The following DMD variants were observed in gnomAD, a reference collection of about 807,000 sequenced individuals.
The protein encoded by DMD is dystrophin.
Under a neutral mutation model 330.1 loss-of-function variants are expected in DMD, and 63 were observed. That is an observed-to-expected ratio of 0.19 (90% CI 0.16 to 0.24). The LOEUF is 0.24. DMD is among the 10% of genes least tolerant of loss of function. The probability of loss-of-function intolerance (pLI) is 1.00; values close to 1 mark genes in which losing one functional copy is unlikely to be tolerated. For missense variants in DMD, 3,344 were observed against 2,684.1 expected (o/e 1.25, Z -5.43); for synonymous variants, 1,223 against 959.8 (o/e 1.27, Z -5.07).
chrX:32,792,153 A>C (rs1036609771), intron 7 of DMD, among the ~76,000 whole-genome samples: 6 of 111,774 alleles, frequency 5.4e-5, no homozygotes, highest in Non-Finnish European at 1.1e-4. Flanking sequence ...GCCTTCATAA[A>C]TCAAGGAGAA....
chrX:31,669,100 T>G (rs1276684302), intron 53 of DMD, among the ~76,000 whole-genome samples: 1 of 111,977 alleles, frequency 8.9e-6, no homozygotes, highest in African/African-American at 3.2e-5. Context: ...GACATACTGG[T>G]TTAAATTCTT....
chrX:32,332,447 G>GTGTGGTA (rs1569558177), intron 41 of DMD, among the ~76,000 whole-genome samples: 1 of 57,767 alleles, frequency 1.7e-5, no homozygotes, highest in Admixed American at 1.8e-4. Flanking sequence ...TGTGTGTGGT[G>GTGTGGTA]TATGTGCACA....
chrX:32,343,160 C>G lies in DMD; in HGVS notation c.5713G>C (p.Glu1905Gln). ...DIEKKLASLP[E>Q]PRDERKIKEI... ...TTTATTTTCCTTTCATCTCTGGGCT[C>G]AGGTAGGCTGGCTAATTTTTTTTCA... The change falls in exon 40 of 79, where the codon GAG becomes CAG. Residue 1905 changes from glutamate (E) to glutamine (Q), a missense_variant. Coordinates refer to ENST00000357033, the MANE Select transcript of DMD (RefSeq NM_004006.3). 2.5e-6 allele frequency: 3 copies of G among 1,210,823 alleles called. No individual in the cohort carries two copies. Among genetic ancestry groups the G allele is most frequent in the Non-Finnish European group, 3.4e-6 (3 of 894,985 alleles).
At chrX:31,278,392 G>C (rs1053684600) in intron 62 of DMD, among the ~76,000 whole-genome samples, 4 of 111,275 alleles carry the variant, frequency 3.6e-5, no homozygotes, top group Admixed American at 1.9e-4. Context: ...AGATTCAGGA[G>C]GGGGAGCAAG....
intron 1 of DMD, among the ~76,000 whole-genome samples, chrX:33,240,027 C>G (rs1405939870): frequency 9.0e-6 from 1 of 110,951 alleles, no homozygotes; most frequent in Non-Finnish European, 1.9e-5. Context: ...CCCAAGATAC[C>G]TTATTATGTA....
At position 32,704,241 on chromosome X, in the gene DMD, C is replaced by T. The variant is rs182154944; in HGVS notation, c.650-4948G>A. On this transcript the variant is annotated intron_variant, in intron 7 of 78. Coordinates refer to ENST00000357033, the MANE Select transcript of DMD (RefSeq NM_004006.3). ...TCATTGCACTACACTGCCATGGTAC[C>T]TTAACCTCATTCTCTCAGATACTAT... Among the ~76,000 whole-genome samples, 297 of 93,495 alleles carry T rather than the reference C, an allele frequency of 3.2e-3. 3 individuals carry two copies. Among genetic ancestry groups the T allele is most frequent in the Admixed American group, 0.028 (263 of 9,298 alleles). 81.2% of individuals were successfully genotyped at this position (93,495 alleles called of 115,157 possible).
chrX:32,153,404 G>A, intron 44 of DMD, among the ~76,000 whole-genome samples: 1 of 110,358 alleles, frequency 9.1e-6, no homozygotes, highest in Non-Finnish European at 1.9e-5. Flanking sequence ...TTGAAGTAGT[G>A]GAGAGACTGA....
chrX:32,191,753 T>G (rs1015111550), intron 44 of DMD, among the ~76,000 whole-genome samples: 1 of 112,095 alleles, frequency 8.9e-6, no homozygotes, highest in Non-Finnish European at 1.9e-5. Flanking sequence ...AGATTACTTA[T>G]AATACTTAAT....
chrX:31,938,571 A>G (rs1210594708), intron 45 of DMD, among the ~76,000 whole-genome samples: 1 of 111,500 alleles, frequency 9.0e-6, no homozygotes, highest in Non-Finnish European at 1.9e-5. Context: ...TTGCATCCTC[A>G]TGGATGCACT....
intron 44 of DMD, among the ~76,000 whole-genome samples, chrX:32,214,019 A>G (rs187975252): frequency 9.0e-6 from 1 of 111,397 alleles, no homozygotes; most frequent in African/African-American, 3.3e-5. Context: ...TAAAATGTTC[A>G]TCAGTTTCAA....
intron 64 of DMD, among the ~76,000 whole-genome samples, chrX:31,210,995 C>T (rs1394021038): frequency 2.7e-5 from 3 of 111,980 alleles, no homozygotes; most frequent in Non-Finnish European, 5.6e-5. Flanking sequence ...GGAGTCTGCA[C>T]TCCTCCCTTG....
chrX:32,463,390 C>T (rs770716751), intron 25 of DMD, 49 bp downstream of exon 25: 26 of 1,113,156 alleles, frequency 2.3e-5, no homozygotes, highest in Non-Finnish European at 2.6e-5. Context: ...ATTAGGAAAT[C>T]TTAGTTAAGT....
intron 2 of DMD, among the ~76,000 whole-genome samples, chrX:32,886,327 AAAT>A (rs904234254): frequency 2.7e-5 from 3 of 109,907 alleles, no homozygotes; most frequent in African/African-American, 6.6e-5. Flanking sequence ...AACTGGTAAA[AAAT>A]AATAATAATA....
intron 59 of DMD, among the ~76,000 whole-genome samples, chrX:31,453,778 A>AAAAAAAAAAAAAAAAC (rs2065945321): frequency 9.6e-6 from 1 of 103,964 alleles, no homozygotes; most frequent in Non-Finnish European, 2.0e-5. Context: ...AAAAAAAAAA[A>AAAAAAAAAAAAAAAAC]AAAAAAAAAA....
At chrX:32,776,240 T>C (rs113552907) in intron 7 of DMD, among the ~76,000 whole-genome samples, 2,151 of 109,189 alleles carry the variant, frequency 0.02, 68 homozygotes, top group African/African-American at 0.068. Context: ...AACAAGTCTC[T>C]GGGAAATTCC....
chrX:31,800,589 CG>C (rs771516373), intron 50 of DMD, among the ~76,000 whole-genome samples: 1 of 112,423 alleles, frequency 8.9e-6, no homozygotes, highest in Non-Finnish European at 1.9e-5. Context: ...ATTGTCTTGG[CG>C]CTTAACATTT....
intron 1 of DMD, among the ~76,000 whole-genome samples, chrX:33,244,620 T>C (rs1005734223): frequency 8.9e-6 from 1 of 111,934 alleles, no homozygotes; most frequent in Non-Finnish European, 1.9e-5. Flanking sequence ...AATAAATTGT[T>C]TGATTTGATT....
At chrX:31,553,752 C>T (rs1196797378) in intron 55 of DMD, among the ~76,000 whole-genome samples, 1 of 112,183 alleles carries the variant, frequency 8.9e-6, no homozygotes, top group Non-Finnish European at 1.9e-5. Context: ...AGAAATCATA[C>T]AGGATTGTGT....
At chrX:32,949,342 GTAGATAGATAGATAGATAGA>G (rs1193558967) in intron 2 of DMD, among the ~76,000 whole-genome samples, 4,775 of 91,518 alleles carry the variant, frequency 0.052, 114 homozygotes, top group South Asian at 0.086. Context: ...AGGTAGGTAG[GTAGATAGATAGATAGATAGA>G]TAGATAGATA....
Sources: allele counts gnomAD v4.1 joint callset (sites outside exome capture counted in the v4.1 genomes callset), GRCh38; gene constraint gnomAD v4.1.1; transcripts MANE v1.5; gene names NCBI Gene and HGNC (gene_info 2026-07-23, HGNC 2026-07-21).